SCAPER: variants seen among roughly 807,000 people sequenced by gnomAD.
SCAPER encodes S-phase cyclin A associated protein in the ER.
In SCAPER, 98 loss-of-function variants were observed where a neutral mutation model predicts 182.2. The ratio of observed to expected loss-of-function variants is 0.54; its 90% CI spans 0.46 to 0.64. The LOEUF (loss-of-function observed/expected upper bound fraction) is 0.64, where lower values mean the gene tolerates loss of function less well. Ranked by LOEUF, SCAPER falls within the 30% of genes least tolerant of loss-of-function variation. The pLI, the probability that SCAPER is intolerant of heterozygous loss-of-function variation, is 0.00. For missense variants in SCAPER, 1,432 were observed against 1,690.0 expected (o/e 0.85, Z 2.68); for synonymous variants, 605 against 564.6 (o/e 1.07, Z -1.01).
intron 20 of SCAPER, among the ~76,000 whole-genome samples, chr15:76,696,482 T>A (rs1201109346): frequency 1.3e-5 from 2 of 151,434 alleles, no homozygotes; most frequent in South Asian, 2.1e-4. Context: ...AAATTAACTA[T>A]TTTTTTTTCT....
At chr15:76,545,335 C>G (rs1253613313) in intron 23 of SCAPER, among the ~76,000 whole-genome samples, 1 of 152,124 alleles carries the variant, frequency 6.6e-6, no homozygotes, top group Non-Finnish European at 1.5e-5. Flanking sequence ...CCTGAACATT[C>G]TGTGCTAGAG....
At chr15:76,471,880 C>G (rs2050205644) in intron 24 of SCAPER, among the ~76,000 whole-genome samples, 1 of 152,072 alleles carries the variant, frequency 6.6e-6, no homozygotes, top group Admixed American at 6.6e-5. Flanking sequence ...GACATCTTTC[C>G]CAGAGTGTAA....
intron 21 of SCAPER, among the ~76,000 whole-genome samples, chr15:76,658,832 T>A (rs2055886632): frequency 6.6e-6 from 1 of 152,190 alleles, no homozygotes; most frequent in Non-Finnish European, 1.5e-5. Context: ...GGAATTTCTA[T>A]TCATTAAATG....
At chr15:76,471,460 G>T in intron 24 of SCAPER, 125 bp from the exon 25 acceptor site, 1 of 1,073,418 alleles carries the variant, frequency 9.3e-7, no homozygotes, top group Non-Finnish European at 1.3e-6. Flanking sequence ...TAAAAACCAA[G>T]CCAAATACTA....
intron 22 of SCAPER, among the ~76,000 whole-genome samples, chr15:76,581,240 A>ATATCAATCT (rs958864415): frequency 3.3e-5 from 5 of 152,230 alleles, no homozygotes; most frequent in African/African-American, 1.2e-4. Flanking sequence ...TAAAGAAGTA[A>ATATCAATCT]TATCAATCTT....
rs1286354328 is a variant in SCAPER, at chr15:76,743,596, A to G, written c.1866+10212T>C. Among the ~76,000 whole-genome samples, 3 of 152,128 alleles carry G rather than the reference A, an allele frequency of 2.0e-5. No homozygotes were observed. The East Asian group carries it at 5.8e-4, about 29-fold the overall frequency. On this transcript the variant is annotated intron_variant, in intron 15 of 31. Transcript: ENST00000563290. ...CCTAGGAAAATACAGCTAACCAAAG[A>G]GGTGAAAGAACTGAACAAGGAGAAT...
chr15:76,389,500 CAAAAAAAAAAAAA>C (rs71143320), intron 27 of SCAPER, among the ~76,000 whole-genome samples: 1 of 28,058 alleles, frequency 3.6e-5, no homozygotes, highest in African/African-American at 1.7e-4. Flanking sequence ...GACTCCGTCT[CAAAAAAAAAAAAA>C]AAAAAAAAAA....
intron 29 of SCAPER, among the ~76,000 whole-genome samples, chr15:76,362,367 A>G (rs2041488726): frequency 6.6e-6 from 1 of 152,088 alleles, no homozygotes; most frequent in Non-Finnish European, 1.5e-5. Flanking sequence ...ATGACACTAA[A>G]TAATAAAAAT....
intron 5 of SCAPER, among the ~76,000 whole-genome samples, chr15:76,830,555 G>A (rs2068376206): frequency 6.6e-6 from 1 of 152,036 alleles, no homozygotes; most frequent in African/African-American, 2.4e-5. Flanking sequence ...TTAATCCATT[G>A]GATAGTGAGT....
In SCAPER at chr15:76,680,423, A is replaced by G. The variant is rs909694055; in HGVS notation, c.2509-14634T>C. On this transcript the variant is annotated intron_variant, in intron 20 of 31. Transcript: ENST00000563290. ...TGATGATGATGATGATAATAATAAT[A>G]ATAATAATAATAATAATAATAATAA... Among the ~76,000 whole-genome samples, 35 of 80,928 alleles carry G rather than the reference A, an allele frequency of 4.3e-4. 1 individual carries two copies. The East Asian group carries it at 0.01, about 23-fold the overall frequency. 53.1% of individuals were successfully genotyped at this position (80,928 alleles called of 152,430 possible). A position where few individuals can be genotyped will look rare whatever the true frequency, so the allele number is the denominator to read the frequency against.
chr15:76,648,723 A>G (rs1379745085), intron 21 of SCAPER, among the ~76,000 whole-genome samples: 1 of 152,266 alleles, frequency 6.6e-6, no homozygotes, highest in Non-Finnish European at 1.5e-5. Context: ...AAGAAAAAGC[A>G]GCCTGACAAA....
rs1327915758 is a variant in SCAPER, at chr15:76,652,309, TAC to T, written c.2645+13342_2645+13343del. Among the ~76,000 whole-genome samples the T allele has an allele frequency of 6.0e-3, 84 of 14,082 alleles. 2 individuals are homozygous for T. The highest frequency in any genetic ancestry group is 6.7e-3 in the African/African-American group (18 of 2,690). The allele number at this position is 14,082 out of a possible 152,430, so 9.2% of individuals were successfully genotyped here. ...ATATATATATATATATATATATATA[TAC>T]ACACACACACACACACACACATACA... On this transcript the variant is annotated intron_variant, in intron 21 of 31. Coordinates refer to ENST00000563290, the MANE Select transcript of SCAPER (RefSeq NM_020843.4).
intron 15 of SCAPER, among the ~76,000 whole-genome samples, chr15:76,744,085 T>C (rs904684878): frequency 2.0e-5 from 3 of 152,288 alleles, no homozygotes; most frequent in Non-Finnish European, 2.9e-5. Flanking sequence ...TGGTTAACTA[T>C]ATGCAGAACA....
At chr15:76,814,957 G>A (rs1305823183) in intron 5 of SCAPER, among the ~76,000 whole-genome samples, 1 of 151,972 alleles carries the variant, frequency 6.6e-6, no homozygotes. Context: ...CAAAGAATCT[G>A]AAGAAGTTTT....
chr15:76,713,684 A>T (rs2059720976), intron 17 of SCAPER, among the ~76,000 whole-genome samples: 1 of 152,084 alleles, frequency 6.6e-6, no homozygotes, highest in African/African-American at 2.4e-5. Flanking sequence ...ATGCTAAATG[A>T]CGAGTTAGTG....
intron 26 of SCAPER, among the ~76,000 whole-genome samples, chr15:76,422,299 C>T (rs2046104639): frequency 6.6e-6 from 1 of 152,138 alleles, no homozygotes; most frequent in Non-Finnish European, 1.5e-5. Flanking sequence ...TTTCATTGAG[C>T]AGTGATTTGT....
chr15:76,587,331 T>C (rs1318374406), intron 22 of SCAPER, among the ~76,000 whole-genome samples: 2 of 151,920 alleles, frequency 1.3e-5, no homozygotes, highest in Non-Finnish European at 2.9e-5. Context: ...TTCTGCTGGG[T>C]TTGGGTTTGG....
rs750682623 is a variant in SCAPER at position 76,764,948 on chromosome 15, A to T, written c.1725+13T>A. The stretch of plus-strand genomic sequence containing the variant: ...TTCAGACTATCATAATTTCCTAAAA[A>T]ATAAAAACTCACCCTTTCTAACAAT... On this transcript the variant is annotated intron_variant, in intron 14 of 31. Transcript: ENST00000563290. The T allele has an allele frequency of 6.6e-7, 1 of 1,523,178 alleles. No individual in the cohort carries two copies. Among genetic ancestry groups the T allele is most frequent in the Non-Finnish European group, 8.9e-7 (1 of 1,121,740 alleles). The allele number at this position is 1,523,178 out of a possible 1,614,324, so 94.4% of individuals were successfully genotyped here. A position where few individuals can be genotyped will look rare whatever the true frequency, so the allele number is the denominator to read the frequency against.
chr15:76,353,693 G>T (rs2040762000), intron 30 of SCAPER, among the ~76,000 whole-genome samples: 1 of 152,116 alleles, frequency 6.6e-6, no homozygotes, highest in Non-Finnish European at 1.5e-5. Context: ...CTGAGTACGG[G>T]TTACCATTTC....
Sources: allele counts gnomAD v4.1 joint callset (sites outside exome capture counted in the v4.1 genomes callset), GRCh38; gene constraint gnomAD v4.1.1; transcripts MANE v1.5; gene names NCBI Gene and HGNC (gene_info 2026-07-23, HGNC 2026-07-21).